Variants in PAK1 observed in about 807,000 individuals in gnomAD.
PAK1 encodes p21 (RAC1) activated kinase 1.
Under a neutral mutation model 67.4 loss-of-function variants are expected in PAK1, and 29 were observed. The ratio of observed to expected loss-of-function variants is 0.43; its 90% confidence interval spans 0.32 to 0.59. PAK1 has a LOEUF of 0.59. Among genes scored for constraint, PAK1 ranks in the 20% least tolerant of loss-of-function variants. PAK1 has a pLI of 0.07. For missense variants in PAK1, 337 were observed against 670.7 expected, an observed-to-expected ratio of 0.50 and a Z score of 5.50; for synonymous variants, 223 against 237.4, an observed-to-expected ratio of 0.94 and a Z score of 0.56.
upstream of PAK1, chr11:77,475,529 ACAT>A (rs1206436990): frequency 6.6e-6 from 1 of 152,184 alleles, no homozygotes; most frequent in Non-Finnish European, 1.5e-5. Context: ...GCTTTGTCTC[ACAT>A]CATTTATTTT....
At chr11:77,520,002 GC>G in the PAK1 span, among the ~76,000 whole-genome samples, 96 of 151,314 alleles carry the variant, frequency 6.3e-4, no homozygotes, top group South Asian at 0.011. Context: ...CTGGCCTGTG[GC>G]CCCCCCCTCC....
intron 8 of PAK1, 146 bp from the exon 9 acceptor site, chr11:77,349,433 C>T: frequency 1.4e-6 from 1 of 690,720 alleles, no homozygotes; most frequent in South Asian, 1.6e-5. Context: ...TCCATTCTCA[C>T]ATTTAAGAAG....
At chr11:77,346,511 C>T (rs1286071992) in intron 9 of PAK1, among the ~76,000 whole-genome samples, 4 of 152,192 alleles carry the variant, frequency 2.6e-5, no homozygotes, top group Non-Finnish European at 5.9e-5. Context: ...CCCCTCTTTT[C>T]AGGATTGTTT....
At chr11:77,325,897 T>C (rs903351470) in intron 14 of PAK1, among the ~76,000 whole-genome samples, 9 of 152,170 alleles carry the variant, frequency 5.9e-5, no homozygotes, top group African/African-American at 2.2e-4. Context: ...ATATTTTGAG[T>C]ACCTATCCTG....
chr11:77,529,162 A>G, the PAK1 span, among the ~76,000 whole-genome samples: 1 of 152,204 alleles, frequency 6.6e-6, no homozygotes, highest in Non-Finnish European at 1.5e-5. Context: ...TCTCAAAAAT[A>G]TACATTTTAT....
the PAK1 span, among the ~76,000 whole-genome samples, chr11:77,523,726 C>T: frequency 1.3e-5 from 2 of 152,108 alleles, no homozygotes; most frequent in African/African-American, 4.8e-5. Context: ...CCTCTTCATA[C>T]TTTTAAAATA....
intron 9 of PAK1, chr11:77,347,045 A>G: frequency 2.2e-6 from 1 of 456,290 alleles, no homozygotes; most frequent in African/African-American, 2.0e-5. Context: ...AAAGACTGAG[A>G]GCATCCCATG....
At chr11:77,374,714 C>T (rs1425175203) in intron 4 of PAK1, among the ~76,000 whole-genome samples, 2 of 152,112 alleles carry the variant, frequency 1.3e-5, no homozygotes, top group African/African-American at 4.8e-5. Context: ...TTACACAAAC[C>T]TAGACGGTAT....
At chr11:77,468,515 T>C (rs73496883) in intron 1 of PAK1, among the ~76,000 whole-genome samples, 4,426 of 152,260 alleles carry the variant, frequency 0.029, 200 homozygotes, top group African/African-American at 0.1. Flanking sequence ...AAATTTACGA[T>C]GGCACAGGGA....
At chr11:77,359,595 A>G (rs548055273) in intron 5 of PAK1, among the ~76,000 whole-genome samples, 1 of 152,220 alleles carries the variant, frequency 6.6e-6, no homozygotes, top group Non-Finnish European at 1.5e-5. Context: ...CATGTTATCT[A>G]AAGAGAACAA....
chr11:77,359,742 G>A (rs1433135093), intron 5 of PAK1, among the ~76,000 whole-genome samples: 3 of 152,112 alleles, frequency 2.0e-5, no homozygotes, highest in African/African-American at 7.2e-5. Context: ...GCTGGGCCAA[G>A]AGTGGCAGGT....
intron 1 of PAK1, among the ~76,000 whole-genome samples, chr11:77,442,536 TG>T (rs2138453008): frequency 6.6e-6 from 1 of 152,222 alleles, no homozygotes; most frequent in South Asian, 2.1e-4. Flanking sequence ...TGAGTGAACT[TG>T]GAAGGAGTTC....
chr11:77,442,957 A>G (rs922121007), intron 1 of PAK1, among the ~76,000 whole-genome samples: 2 of 152,172 alleles, frequency 1.3e-5, no homozygotes, highest in Non-Finnish European at 2.9e-5. Flanking sequence ...AGATACAGAG[A>G]TATCACCTTC....
At chr11:77,422,995 A>G (rs1955351167) in intron 1 of PAK1, among the ~76,000 whole-genome samples, 2 of 152,042 alleles carry the variant, frequency 1.3e-5, no homozygotes, top group Admixed American at 6.6e-5. Flanking sequence ...ATTGTATCCC[A>G]CCCTATACAA....
the PAK1 span, among the ~76,000 whole-genome samples, chr11:77,482,557 A>G: frequency 6.6e-6 from 1 of 151,044 alleles, no homozygotes; most frequent in Non-Finnish European, 1.5e-5. Flanking sequence ...GTTTTTGTGC[A>G]TGTCTAAAAA....
the PAK1 span, among the ~76,000 whole-genome samples, chr11:77,501,008 G>A: frequency 2.6e-5 from 4 of 151,712 alleles, no homozygotes; most frequent in African/African-American, 9.7e-5. Flanking sequence ...GTAATTAGCC[G>A]GGCGTGGTGG....
intron 1 of PAK1, among the ~76,000 whole-genome samples, chr11:77,399,919 A>G (rs896039490): frequency 6.6e-6 from 1 of 151,330 alleles, no homozygotes; most frequent in Non-Finnish European, 1.5e-5. Context: ...AACATAATAT[A>G]CATGTCAATA....
intron 1 of PAK1, among the ~76,000 whole-genome samples, chr11:77,461,288 G>C (rs1159619330): frequency 6.6e-6 from 1 of 152,202 alleles, no homozygotes; most frequent in Non-Finnish European, 1.5e-5. Flanking sequence ...CTAGGCTATA[G>C]TCCCCAGTTA....
chr11:77,487,599 C>T, the PAK1 span, among the ~76,000 whole-genome samples: 1 of 152,040 alleles, frequency 6.6e-6, no homozygotes, highest in Non-Finnish European at 1.5e-5. Context: ...GCAGCATTCA[C>T]CACAAGTTGA....
Sources: allele counts gnomAD v4.1 joint callset (sites outside exome capture counted in the v4.1 genomes callset), GRCh38; gene constraint gnomAD v4.1.1; transcripts MANE v1.5; gene names NCBI Gene and HGNC (gene_info 2026-07-23, HGNC 2026-07-21).